The following LRRN4CL variants were observed in gnomAD, a reference collection of about 807,000 sequenced individuals.
LRRN4CL encodes the protein LRRN4 C-terminal like.
For missense variants in LRRN4CL, 348 were observed against 336.4 expected (o/e 1.03, Z -0.27); for synonymous variants, 156 against 154.1 (o/e 1.01, Z -0.09).
In LRRN4CL at chr11:62,687,878, A is replaced by T; in HGVS notation, c.631T>A (p.Cys211Ser). 1 of 1,457,422 alleles carries T rather than the reference A, an allele frequency of 6.9e-7. No individual in the cohort carries two copies. The highest frequency in any genetic ancestry group is 9.0e-7 in the Non-Finnish European group (1 of 1,109,592). 90.3% of individuals were successfully genotyped at this position (1,457,422 alleles called of 1,614,324 possible). A position where few individuals can be genotyped will look rare whatever the true frequency, so the allele number is the denominator to read the frequency against. Residue 211 changes from cysteine (C) to serine (S), a missense_variant, in exon 2 of 2, where the codon TGT becomes AGT. Coordinates refer to ENST00000317449, the MANE Select transcript of LRRN4CL (RefSeq NM_203422.4). ...CAGAAGTGCCACACCAGGGCGGCAC[A>T]GCTTAGCAGGGCCAGGGCCGTGCCC... ...GVGTALALLS[C>S]AALVWHFCLR...
intron 1 of LRRN4CL, among the ~76,000 whole-genome samples, chr11:62,689,187 A>G (rs964431153): frequency 1.3e-5 from 2 of 152,174 alleles, no homozygotes; most frequent in African/African-American, 4.8e-5. Context: ...TGAGACCTCA[A>G]CTCAACAAAA....
Position 62,687,674 on chromosome 11 carries a change from C to G in LRRN4CL, c.*118G>C. The G allele has an allele frequency of 1.1e-6, 1 of 870,486 alleles. No homozygotes were observed. The highest frequency in any genetic ancestry group is 3.2e-5 in the East Asian group (1 of 30,934). The allele number at this position is 870,486 out of a possible 1,614,324, so 53.9% of individuals were successfully genotyped here. A position where few individuals can be genotyped will look rare whatever the true frequency, so the allele number is the denominator to read the frequency against. On this transcript the variant is annotated 3_prime_UTR_variant, in exon 2 of 2. Transcript: ENST00000317449. ...TCCGCCGTGGCCCTGGAGCCTGGGG[C>G]TGGCTCCCAGCTCGCCGTCCAGCCC...
chr11:62,688,530 GGATAGATAAAGCCTGTTCA>G lies in LRRN4CL; in HGVS notation c.-5-36_-5-18del. On this transcript the variant is annotated intron_variant, in intron 1 of 1. Coordinates refer to ENST00000317449, the MANE Select transcript of LRRN4CL (RefSeq NM_203422.4). ...GCATGGAGACTGGAAGGGAAGGGGT[GGATAGATAAAGCCTGTTCA>G]GCCCAAAAGCCTGCCATGCCCTCTG... is the stretch of plus-strand genomic sequence containing the variant. 4 of 1,571,192 alleles carry G rather than the reference GGATAGATAAAGCCTGTTCA, an allele frequency of 2.5e-6. No homozygotes were observed. The highest frequency in any genetic ancestry group is 3.4e-6 in the Non-Finnish European group (4 of 1,164,412).
At position 62,686,425 on chromosome 11, in the gene LRRN4CL, A is replaced by T. The variant is rs959762766; in HGVS notation, c.*1367T>A. The T allele has an allele frequency of 7.9e-5, 12 of 152,204 alleles. No homozygotes were observed. The highest frequency in any genetic ancestry group is 2.9e-4 in the African/African-American group (12 of 41,458). 9.4% of individuals were successfully genotyped at this position (152,204 alleles called of 1,614,324 possible). On this transcript the variant is annotated 3_prime_UTR_variant, in exon 2 of 2. Coordinates refer to ENST00000317449, the MANE Select transcript of LRRN4CL (RefSeq NM_203422.4). ...AATTACTTCCTTTTAAAGGTCCTTT[A>T]ATGTTGTTATAGTGGATATGCAATA...
Position 62,687,480 on chromosome 11 carries a change from T to A in LRRN4CL, c.*312A>T. ...TACAAAGGTCATATAAATACCCACA[T>A]AATAATATCCTCCATTTTATCCTCT... On this transcript the variant is annotated 3_prime_UTR_variant, in exon 2 of 2. Transcript: ENST00000317449. 9 of 301,442 alleles carry A rather than the reference T, an allele frequency of 3.0e-5. No homozygotes were observed. Among genetic ancestry groups the A allele is most frequent in the East Asian group, 5.3e-5 (1 of 19,044 alleles). 18.7% of individuals were successfully genotyped at this position (301,442 alleles called of 1,614,324 possible).
chr11:62,689,474 G>T lies in LRRN4CL; in HGVS notation c.-53C>A, dbSNP rs1165153941. On this transcript the variant is annotated 5_prime_UTR_variant, in exon 1 of 2. Transcript: ENST00000317449. The stretch of plus-strand genomic sequence containing the variant: ...CGGGAATCCACCAGCTGACGTCTGT[G>T]GGTGTTAGGCTGAGGGATCCCCAAG... 6.6e-6 allele frequency: 1 copy of T among 152,426 alleles called. No individual in the cohort carries two copies. Among genetic ancestry groups the T allele is most frequent in the African/African-American group, 2.4e-5 (1 of 41,438 alleles). 9.4% of individuals were successfully genotyped at this position (152,426 alleles called of 1,614,324 possible). A position where few individuals can be genotyped will look rare whatever the true frequency, so the allele number is the denominator to read the frequency against.
chr11:62,688,211 C>T lies in LRRN4CL; in HGVS notation c.298G>A (p.Ala100Thr), dbSNP rs575634584. The T allele has an allele frequency of 6.2e-7, 1 of 1,612,082 alleles. No individual in the cohort carries two copies. Among genetic ancestry groups the T allele is most frequent in the East Asian group, 2.2e-5 (1 of 44,852 alleles). The change falls in exon 2 of 2, where the codon GCA (alanine) becomes ACA (threonine). Residue 100 changes from alanine to threonine, a missense_variant. Physicochemically the swap from Ala to Thr is moderately conservative, Grantham distance 58. Coordinates refer to ENST00000317449, the MANE Select transcript of LRRN4CL (RefSeq NM_203422.4). ...AAGGGGGCACACCAGTGGACCACTGCGCGGCCCTCTTCGGCCGCAATGCGC... is the reference window on the plus strand; with the variant it reads ...AAGGGGGCACACCAGTGGACCACTGTGCGGCCCTCTTCGGCCGCAATGCGC... ...EVRIAAEEGR[A>T]VVHWCAPFSP...
chr11:62,688,290 G>A lies in LRRN4CL; in HGVS notation c.219C>T (p.Cys73=), dbSNP rs1239228077. 1 of 1,608,980 alleles carries A rather than the reference G, an allele frequency of 6.2e-7. No individual in the cohort carries two copies. The highest frequency in any genetic ancestry group is 8.5e-7 in the Non-Finnish European group (1 of 1,179,090). The change falls in exon 2 of 2, where the codon TGC becomes TGT. Residue 73 remains cysteine (C), a synonymous_variant. Transcript: ENST00000317449. The part of the protein sequence containing the change: ...LQRVGPAACL[C]PGLSSPAQPP... ...GCTGGGCGGGGCTGGAGAGTCCTGG[G>A]CACAGGCAGGCCGCCGGCCCGACCC... is the stretch of plus-strand genomic sequence containing the variant.
Position 62,687,637 on chromosome 11 carries a change from G to A in LRRN4CL, c.*155C>T. 1.7e-6 allele frequency: 1 copy of A among 580,134 alleles called. No individual in the cohort carries two copies. Among genetic ancestry groups the A allele is most frequent in the Non-Finnish European group, 2.7e-6 (1 of 368,914 alleles). The allele number at this position is 580,134 out of a possible 1,614,324, so 35.9% of individuals were successfully genotyped here. A position where few individuals can be genotyped will look rare whatever the true frequency, so the allele number is the denominator to read the frequency against. On this transcript the variant is annotated 3_prime_UTR_variant, in exon 2 of 2. Transcript: ENST00000317449. ...CGGACCTAAACAAGCGCTCAGTCCT[G>A]AGAACCATGACTCCGCCGTGGCCCT...
In LRRN4CL at chr11:62,688,240, T is replaced by C; in HGVS notation, c.269A>G (p.Glu90Gly). The change falls in exon 2 of 2, where the codon GAA (glutamate) becomes GGA (glycine). Residue 90 changes from glutamate to glycine, a missense_variant. Physicochemically the swap from Glu to Gly is moderately conservative, Grantham distance 98. Coordinates refer to ENST00000317449, the MANE Select transcript of LRRN4CL (RefSeq NM_203422.4). ...AQPPDPPRMG[E>G]VRIAAEEGRA... is the part of the protein sequence containing the mutation. ...GCCCTCTTCGGCCGCAATGCGCACTTCTCCCATGCGCGGCGGGTCGGGCGG... is the reference window on the plus strand; with the variant it reads ...GCCCTCTTCGGCCGCAATGCGCACTCCTCCCATGCGCGGCGGGTCGGGCGG... 1 of 1,611,372 alleles carries C rather than the reference T, an allele frequency of 6.2e-7. No individual in the cohort carries two copies. Among genetic ancestry groups the C allele is most frequent in the South Asian group, 1.1e-5 (1 of 90,970 alleles).
At chr11:62,688,960 T>G (rs1945238888) in intron 1 of LRRN4CL, among the ~76,000 whole-genome samples, 1 of 152,130 alleles carries the variant, frequency 6.6e-6, no homozygotes, top group African/African-American at 2.4e-5. Context: ...GAGGATTGCT[T>G]GAGGCCAGGA....
rs1590866192 is a variant in LRRN4CL, at chr11:62,688,410, T to G, written c.99A>C (p.Ala33=). Residue 33 remains alanine (A), a synonymous_variant, in exon 2 of 2, where the codon GCA becomes GCC. Transcript: ENST00000317449. ...GCGGCCACGCCGTCTCAGTCTCATC[T>G]GCCTCCTCTTCTTCAAAGTCTTGAG... ...LAPQDFEEEE[A]DETETAWPPL... 2 of 1,602,224 alleles carry G rather than the reference T, an allele frequency of 1.2e-6. No homozygotes were observed. Among genetic ancestry groups the G allele is most frequent in the Non-Finnish European group, 1.7e-6 (2 of 1,179,976 alleles).
Position 62,687,917 on chromosome 11 carries a change from C to T in LRRN4CL, c.592G>A (p.Ala198Thr). The T allele has an allele frequency of 2.0e-6, 3 of 1,521,924 alleles. No homozygotes were observed. The highest frequency in any genetic ancestry group is 2.6e-6 in the Non-Finnish European group (3 of 1,137,192). 94.3% of individuals were successfully genotyped at this position (1,521,924 alleles called of 1,614,324 possible). A position where few individuals can be genotyped will look rare whatever the true frequency, so the allele number is the denominator to read the frequency against. The change falls in exon 2 of 2, where the codon GCG becomes ACG. Residue 198 changes from alanine to threonine, a missense_variant. By Grantham distance (58) the Ala-to-Thr change is moderately conservative (BLOSUM62 0). Coordinates refer to ENST00000317449, the MANE Select transcript of LRRN4CL (RefSeq NM_203422.4). ...VPPNPRTLVH[A>T]AVGVGTALAL... ...AGGGCCGTGCCCACCCCGACGGCCGCGTGGACCAGAGTGCGGGGGTTGGGC... is the reference window on the plus strand; with the variant it reads ...AGGGCCGTGCCCACCCCGACGGCCGTGTGGACCAGAGTGCGGGGGTTGGGC...
intron 1 of LRRN4CL, among the ~76,000 whole-genome samples, chr11:62,688,774 T>G (rs577600722): frequency 3.3e-5 from 5 of 152,272 alleles, no homozygotes; most frequent in African/African-American, 9.6e-5. Flanking sequence ...AAACAGTTAA[T>G]GAATAAACAA....
rs1425598282 is a variant in LRRN4CL at position 62,687,606 on chromosome 11, A to G, written c.*186T>C. On this transcript the variant is annotated 3_prime_UTR_variant, in exon 2 of 2. Transcript: ENST00000317449. ...GACCTCAGCCAGGAAACAAAGCGCC[A>G]AGTACCGGACCTAAACAAGCGCTCA... is the stretch of plus-strand genomic sequence containing the variant. 6.7e-6 allele frequency: 3 copies of G among 448,786 alleles called. No individual in the cohort carries two copies. Among genetic ancestry groups the G allele is most frequent in the Non-Finnish European group, 1.1e-5 (3 of 270,792 alleles). 27.8% of individuals were successfully genotyped at this position (448,786 alleles called of 1,614,324 possible). A position where few individuals can be genotyped will look rare whatever the true frequency, so the allele number is the denominator to read the frequency against.
In LRRN4CL at chr11:62,688,226, C is replaced by T; in HGVS notation, c.283G>A (p.Ala95Thr). ...TGGACCACTGCGCGGCCCTCTTCGGCCGCAATGCGCACTTCTCCCATGCGC... is the reference window on the plus strand; with the variant it reads ...TGGACCACTGCGCGGCCCTCTTCGGTCGCAATGCGCACTTCTCCCATGCGC... The part of the protein sequence containing the change: ...PPRMGEVRIA[A>T]EEGRAVVHWC... Residue 95 changes from alanine to threonine, a missense_variant, in exon 2 of 2, where the codon GCC becomes ACC. Coordinates refer to ENST00000317449, the MANE Select transcript of LRRN4CL (RefSeq NM_203422.4). 6.2e-7 allele frequency: 1 copy of T among 1,611,808 alleles called. No homozygotes were observed. Among genetic ancestry groups the T allele is most frequent in the Non-Finnish European group, 8.5e-7 (1 of 1,179,518 alleles).
Position 62,687,609 on chromosome 11 carries a change from T to G in LRRN4CL, c.*183A>C. On this transcript the variant is annotated 3_prime_UTR_variant, in exon 2 of 2. Coordinates refer to ENST00000317449, the MANE Select transcript of LRRN4CL (RefSeq NM_203422.4). ...CTCAGCCAGGAAACAAAGCGCCAAGTACCGGACCTAAACAAGCGCTCAGTC... is the reference window on the plus strand; with the variant it reads ...CTCAGCCAGGAAACAAAGCGCCAAGGACCGGACCTAAACAAGCGCTCAGTC... 1 of 460,578 alleles carries G rather than the reference T, an allele frequency of 2.2e-6. No individual in the cohort carries two copies. The allele number at this position is 460,578 out of a possible 1,614,324, so 28.5% of individuals were successfully genotyped here.
rs1183269485 is a variant in LRRN4CL, at chr11:62,688,309, C to T, written c.200G>A (p.Gly67Glu). Residue 67 changes from glycine to glutamate, a missense_variant, in exon 2 of 2, where the codon GGG (glycine) becomes GAG (glutamate). Coordinates refer to ENST00000317449, the MANE Select transcript of LRRN4CL (RefSeq NM_203422.4). ...TCCTGGGCACAGGCAGGCCGCCGGC[C>T]CGACCCTCTGTAGCTCCTTGCAGGG... ...QVPCKELQRV[G>E]PAACLCPGLS... The T allele has an allele frequency of 1.2e-6, 2 of 1,609,074 alleles. No individual in the cohort carries two copies. The highest frequency in any genetic ancestry group is 1.7e-5 in the Admixed American group (1 of 59,858).
In LRRN4CL at chr11:62,687,966, C is replaced by T. The variant is rs764885593; in HGVS notation, c.543G>A (p.Gly181=). 5 of 1,599,516 alleles carry T rather than the reference C, an allele frequency of 3.1e-6. No homozygotes were observed. Among genetic ancestry groups the T allele is most frequent in the Non-Finnish European group, 4.3e-6 (5 of 1,173,332 alleles). The change falls in exon 2 of 2, where the codon GGG becomes GGA. Residue 181 remains glycine, a synonymous_variant. Transcript: ENST00000317449. Reference sequence around the variant, plus strand: ...GCGGCACCGCAAGGCGGCTGCAAGGCCCGAAGGCAGGGATGTCGGCCCCCT... The same window carrying T: ...GCGGCACCGCAAGGCGGCTGCAAGGTCCGAAGGCAGGGATGTCGGCCCCCT... The part of the protein sequence containing the change: ...GLEGADIPAF[G]PCSRLAVPPN...
Sources: gnomAD v4.1 joint callset for allele counts (sites outside exome capture counted in the v4.1 genomes callset) on GRCh38, gnomAD v4.1.1 for gene constraint, MANE v1.5 for transcripts, NCBI Gene and HGNC (gene_info 2026-07-23, HGNC 2026-07-21) for gene names.